Variants in C2CD3 observed in about 807,000 individuals in gnomAD.
C2CD3 encodes C2 domain containing 3 centriole elongation regulator.
Under a neutral mutation model 234.0 loss-of-function variants are expected in C2CD3, and 148 were observed. The ratio of observed to expected loss-of-function variants is 0.63; its 90% CI spans 0.55 to 0.72. The LOEUF is 0.72. C2CD3 is among the 30% of genes least tolerant of loss of function. The pLI is 0.00. For missense variants in C2CD3, 2,577 were observed against 2,811.5 expected (o/e 0.92, Z 1.89); for synonymous variants, 1,000 against 1,035.4 (o/e 0.97, Z 0.66).
At chr11:74,154,495 A>G (rs1855881729) in intron 3 of C2CD3, among the ~76,000 whole-genome samples, 1 of 152,360 alleles carries the variant, frequency 6.6e-6, no homozygotes, top group East Asian at 1.9e-4. Context: ...ATAAATACTT[A>G]TAGCCCTAAT....
At chr11:74,071,304 G>A (rs1269644955) in intron 24 of C2CD3, among the ~76,000 whole-genome samples, 3 of 152,186 alleles carry the variant, frequency 2.0e-5, no homozygotes, top group Non-Finnish European at 4.4e-5. Context: ...GGCAAGCATA[G>A]GGTAGACATC....
Position 74,054,688 on chromosome 11 carries a change from C to A in C2CD3, c.5091-17G>T, listed in dbSNP as rs1244394126. On this transcript the variant is annotated splice_polypyrimidine_tract_variant and intron_variant, in intron 25 of 32. Transcript: ENST00000334126. ...TTTGATAGCCTATTAAGAAAAACAA[C>A]CACTGTAAACTAAATGTATAGGAAC... 2.2e-5 allele frequency: 35 copies of A among 1,570,220 alleles called. No homozygotes were observed. The highest frequency in any genetic ancestry group is 3.1e-5 in the Non-Finnish European group (35 of 1,144,994).
rs769154385 is a variant in C2CD3, at chr11:74,049,550, G to A, written c.5156-8C>T. On this transcript the variant is annotated splice_region_variant and splice_polypyrimidine_tract_variant and intron_variant, in intron 26 of 32. Coordinates refer to ENST00000334126, the MANE Select transcript of C2CD3 (RefSeq NM_001286577.2). ...CAATCACCCTCTCCTCATCTGTAGAGGAAAGAGAAGAGCTGGGCAATGTGG... is the reference window on the plus strand; with the variant it reads ...CAATCACCCTCTCCTCATCTGTAGAAGAAAGAGAAGAGCTGGGCAATGTGG... 1.9e-5 allele frequency: 30 copies of A among 1,609,958 alleles called. No homozygotes were observed. The South Asian group carries it at 3.3e-4, about 18-fold the overall frequency.
chr11:74,153,299 T>A (rs183458124), intron 3 of C2CD3, among the ~76,000 whole-genome samples: 2 of 151,952 alleles, frequency 1.3e-5, no homozygotes, highest in Non-Finnish European at 1.5e-5. Flanking sequence ...AAAGAAAGAA[T>A]GAAGGAAGAA....
intron 29 of C2CD3, 91 bp downstream of exon 29, chr11:74,041,963 G>A: frequency 7.6e-7 from 1 of 1,308,158 alleles, no homozygotes; most frequent in Non-Finnish European, 1.1e-6. Flanking sequence ...GGCGGTGGCA[G>A]GTGATGGAAA....
In C2CD3 at chr11:74,118,298, C is replaced by A. The variant is rs1846431806; in HGVS notation, c.1450G>T (p.Ala484Ser). 1.2e-6 allele frequency: 2 copies of A among 1,613,244 alleles called. No homozygotes were observed. Among genetic ancestry groups the A allele is most frequent in the South Asian group, 1.1e-5 (1 of 91,070 alleles). Residue 484 changes from alanine (A) to serine (S), a missense_variant, in exon 9 of 33, where the codon GCC becomes TCC. Coordinates refer to ENST00000334126, the MANE Select transcript of C2CD3 (RefSeq NM_001286577.2). ...SKKISQSTAL[A>S]RSSKVLESSD... is the part of the protein sequence containing the mutation. ...GACTCCAGAACCTTAGATGATCTGG[C>A]AAGAGCTGTTGACTGGCTTATTTTT...
At chr11:74,142,986 A>T (rs1243759781) in intron 3 of C2CD3, among the ~76,000 whole-genome samples, 2 of 152,140 alleles carry the variant, frequency 1.3e-5, no homozygotes, top group African/African-American at 4.8e-5. Flanking sequence ...CCATTTCCTC[A>T]AAGTCTCTTC....
At chr11:74,057,919 A>G (rs1231535451) in intron 24 of C2CD3, among the ~76,000 whole-genome samples, 2 of 152,168 alleles carry the variant, frequency 1.3e-5, no homozygotes, top group African/African-American at 4.8e-5. Context: ...AGATTGCACC[A>G]CTACACTCCA....
At chr11:74,064,864 A>G (rs1301061888) in intron 24 of C2CD3, among the ~76,000 whole-genome samples, 1 of 152,350 alleles carries the variant, frequency 6.6e-6, no homozygotes, top group East Asian at 1.9e-4. Flanking sequence ...CTGGCTAGCC[A>G]TATGTAGAAA....
In C2CD3 at chr11:74,154,993, A is replaced by G. The variant is rs185009818; in HGVS notation, c.483+6406T>C. On this transcript the variant is annotated intron_variant, in intron 3 of 32. Coordinates refer to ENST00000334126, the MANE Select transcript of C2CD3 (RefSeq NM_001286577.2). ...ATTTTAAGAACAGCTGTGGTTCCCAATGGTTCCAGAGACCCTGCTTATAGC... is the reference window on the plus strand; with the variant it reads ...ATTTTAAGAACAGCTGTGGTTCCCAGTGGTTCCAGAGACCCTGCTTATAGC... Among the ~76,000 whole-genome samples, 484 of 152,330 alleles carry G rather than the reference A, an allele frequency of 3.2e-3. 3 individuals carry two copies. The Middle Eastern group carries it at 0.034, about 11-fold the overall frequency.
intron 24 of C2CD3, among the ~76,000 whole-genome samples, chr11:74,063,061 C>T (rs144852323): frequency 0.04 from 6,146 of 152,086 alleles, 292 homozygotes; most frequent in African/African-American, 0.11. Context: ...ACACACACAC[C>T]CTCCCAAGAC....
chr11:74,019,221 C>A (rs1287729380), intron 32 of C2CD3, among the ~76,000 whole-genome samples: 1 of 152,228 alleles, frequency 6.6e-6, no homozygotes, highest in Admixed American at 6.5e-5. Context: ...ACTCTGGCCT[C>A]AGAGTGGCTC....
chr11:74,166,748 T>A (rs1856840329), intron 2 of C2CD3, among the ~76,000 whole-genome samples: 1 of 152,236 alleles, frequency 6.6e-6, no homozygotes, highest in African/African-American at 2.4e-5. Flanking sequence ...AGGGAATACA[T>A]CTCAAATCTC....
rs1465310438 is a variant in C2CD3 at position 74,034,171 on chromosome 11, G to A, written c.5989C>T (p.Leu1997=). The part of the protein sequence containing the change: ...TLPDAQDTEA[L]QERCTMPDEP... ...TCTGGCATTGTGCATCGTTCTTGCA[G>A]TGCTTCTGTGTCCTGAGCATCTGGG... is the stretch of plus-strand genomic sequence containing the variant. Residue 1997 remains leucine (L), a synonymous_variant, in exon 31 of 33, where the codon CTG becomes TTG. Coordinates refer to ENST00000334126, the MANE Select transcript of C2CD3 (RefSeq NM_001286577.2). 2 of 1,536,222 alleles carry A rather than the reference G, an allele frequency of 1.3e-6. No homozygotes were observed. The highest frequency in any genetic ancestry group is 1.7e-6 in the Non-Finnish European group (2 of 1,146,920).
chr11:74,128,215 C>T (rs970218239), intron 7 of C2CD3, among the ~76,000 whole-genome samples: 2 of 152,088 alleles, frequency 1.3e-5, no homozygotes, highest in Non-Finnish European at 2.9e-5. Context: ...AGATCCATTG[C>T]CCATATTTTT....
chr11:74,022,562 C>T (rs1952134937), intron 32 of C2CD3, among the ~76,000 whole-genome samples: 1 of 152,162 alleles, frequency 6.6e-6, no homozygotes, highest in Admixed American at 6.5e-5. Context: ...GAGTGAAAAT[C>T]TACAGAGCAG....
chr11:74,044,236 T>C (rs1953236444), intron 28 of C2CD3, among the ~76,000 whole-genome samples: 1 of 152,016 alleles, frequency 6.6e-6, no homozygotes, highest in African/African-American at 2.4e-5. Flanking sequence ...GGCAGGTGGA[T>C]CACAAGGTCA....
intron 14 of C2CD3, among the ~76,000 whole-genome samples, chr11:74,102,726 G>C (rs1390127316): frequency 6.6e-6 from 1 of 152,112 alleles, no homozygotes; most frequent in East Asian, 1.9e-4. Context: ...ACATTACACA[G>C]AAAAATCAAG....
intron 28 of C2CD3, among the ~76,000 whole-genome samples, chr11:74,044,041 A>T (rs773772363): frequency 1.1e-4 from 17 of 152,036 alleles, no homozygotes; most frequent in Non-Finnish European, 2.2e-4. Context: ...CCATCTCTAT[A>T]AAAAATAATA....
Sources: allele counts gnomAD v4.1 joint callset (sites outside exome capture counted in the v4.1 genomes callset), GRCh38; gene constraint gnomAD v4.1.1; transcripts MANE v1.5; gene names NCBI Gene and HGNC (gene_info 2026-07-23, HGNC 2026-07-21).